ARHGAP17: variants seen among roughly 807,000 people sequenced by gnomAD.
ARHGAP17 encodes Rho GTPase activating protein 17, also known as rho GTPase-activating protein 17.
In ARHGAP17, 57 loss-of-function variants were observed where a neutral mutation model predicts 99.5. The ratio of observed to expected loss-of-function variants is 0.57; its 90% CI spans 0.46 to 0.71. ARHGAP17 has a LOEUF of 0.71. Among genes scored for constraint, ARHGAP17 ranks in the 30% least tolerant of loss-of-function variants. The pLI is 0.00. For synonymous variants in ARHGAP17, 417 were observed against 429.6 expected, an observed-to-expected ratio of 0.97 and a Z score of 0.36; for missense variants, 1,000 against 1,122.4, an observed-to-expected ratio of 0.89 and a Z score of 1.56.
chr16:24,954,686 GTTC>G lies in ARHGAP17; in HGVS notation c.766_768del (p.Glu256del), dbSNP rs1383356667. ...ATCTCGCGCCCGCTCCTCTTCAGGT[GTTC>G]TTCTAGGGGAGTCCCAAAGGCTGGT... On this transcript the variant is annotated inframe_deletion, in exon 10 of 20. Transcript: ENST00000289968. 2 of 1,613,926 alleles carry G rather than the reference GTTC, an allele frequency of 1.2e-6. No individual in the cohort carries two copies.
At chr16:25,003,150 T>A (rs556104466) in intron 1 of ARHGAP17, among the ~76,000 whole-genome samples, 2 of 148,868 alleles carry the variant, frequency 1.3e-5, no homozygotes, top group African/African-American at 4.9e-5. Flanking sequence ...ATTCAATGTA[T>A]AACAAAATTG....
In ARHGAP17 at chr16:24,931,397, T is replaced by C. The variant is rs749806942; in HGVS notation, c.1902A>G (p.Lys634=). ...PSPHTLRRAV[K]KPAPAPPKPG... The stretch of plus-strand genomic sequence containing the variant: ...GTTTCGGGGGTGCTGGAGCGGGTTT[T>C]TTAACAGCTGCACAAAAAGAGAAAA... The change falls in exon 19 of 20, where the codon AAA becomes AAG. Residue 634 remains lysine (K), a synonymous_variant. Transcript: ENST00000289968. 1.3e-6 allele frequency: 2 copies of C among 1,505,594 alleles called. No homozygotes were observed. The highest frequency in any genetic ancestry group is 2.3e-5 in the East Asian group (1 of 42,992). 93.3% of individuals were successfully genotyped at this position (1,505,594 alleles called of 1,614,324 possible). A position where few individuals can be genotyped will look rare whatever the true frequency, so the allele number is the denominator to read the frequency against.
At chr16:24,947,744 A>G in intron 13 of ARHGAP17, 149 bp from the exon 14 acceptor site, 2 of 629,898 alleles carry the variant, frequency 3.2e-6, no homozygotes, top group South Asian at 1.9e-5. Flanking sequence ...AGCATTTTAT[A>G]CATTTCTTGT....
intron 12 of ARHGAP17, among the ~76,000 whole-genome samples, chr16:24,951,418 A>G (rs2051641280): frequency 6.6e-6 from 1 of 152,234 alleles, no homozygotes; most frequent in Admixed American, 6.5e-5. Context: ...AGCACAAGAA[A>G]ATGCTCAGTA....
rs78580030 is a variant in ARHGAP17, at chr16:24,997,932, G to A, written c.53+17277C>T. Among the ~76,000 whole-genome samples, 5 of 152,134 alleles carry A rather than the reference G, an allele frequency of 3.3e-5. No individual in the cohort carries two copies. In the South Asian group the frequency reaches 6.2e-4, roughly 19 times the overall value. ...CAGAAAAGACATCTGGTCCAGAAAC[G>A]AAGAGCCTGCTGTGAGGACCAGCAG... On this transcript the variant is annotated intron_variant, in intron 1 of 19. Coordinates refer to ENST00000289968, the MANE Select transcript of ARHGAP17 (RefSeq NM_001006634.3).
intron 6 of ARHGAP17, 77 bp downstream of exon 6, chr16:24,968,274 T>C (rs1028958770): frequency 1.9e-5 from 29 of 1,527,132 alleles, no homozygotes; most frequent in Non-Finnish European, 2.5e-5. Flanking sequence ...AGCACTTCCA[T>C]TGTGTCCACT....
intron 1 of ARHGAP17, among the ~76,000 whole-genome samples, chr16:24,990,682 C>A (rs1373000408): frequency 6.6e-6 from 1 of 151,846 alleles, no homozygotes; most frequent in Non-Finnish European, 1.5e-5. Context: ...TACACACACA[C>A]CCCTCATAAG....
At position 24,919,881 on chromosome 16, in the gene ARHGAP17, TG is replaced by T; in HGVS notation, c.*248del. The stretch of plus-strand genomic sequence containing the variant: ...CTCCACTCCAGGTACTTCTTTGTTT[TG>T]GATTTTTTTGGCATGATTTCCTTCC... On this transcript the variant is annotated 3_prime_UTR_variant, in exon 20 of 20. Coordinates refer to ENST00000289968, the MANE Select transcript of ARHGAP17 (RefSeq NM_001006634.3). 1 of 396,592 alleles carries T rather than the reference TG, an allele frequency of 2.5e-6. No individual in the cohort carries two copies. The highest frequency in any genetic ancestry group is 4.4e-6 in the Non-Finnish European group (1 of 226,654). The allele number at this position is 396,592 out of a possible 1,614,324, so 24.6% of individuals were successfully genotyped here.
chr16:24,994,147 G>A lies in ARHGAP17; in HGVS notation c.54-15142C>T, dbSNP rs372221028. 7.9e-5 allele frequency among the ~76,000 whole-genome samples: 12 copies of A among 152,292 alleles called. No homozygotes were observed. In the South Asian group the frequency reaches 2.1e-3, roughly 26 times the overall value. On this transcript the variant is annotated intron_variant, in intron 1 of 19. Transcript: ENST00000289968. ...AAATAGTCACCTGGAAAGTCAGGGC[G>A]AGGCAGTTTTTGAGGGATGATGGTA... is the stretch of plus-strand genomic sequence containing the variant.
chr16:24,920,338 A>C, intron 19 of ARHGAP17, 78 bp from the exon 20 acceptor site: 2 of 1,567,590 alleles, frequency 1.3e-6, no homozygotes, highest in Non-Finnish European at 1.7e-6. Context: ...TCTGAGAAGA[A>C]GAGAGGCTGG....
At chr16:24,949,374 CCA>C in intron 13 of ARHGAP17, 28 bp downstream of exon 13, 1 of 1,581,746 alleles carries the variant, frequency 6.3e-7, no homozygotes, top group Non-Finnish European at 8.7e-7. Context: ...TATCTTCACT[CCA>C]GAGTCATTGT....
chr16:24,939,620 C>G, intron 16 of ARHGAP17, 23 bp from the exon 17 acceptor site: 1 of 1,582,720 alleles, frequency 6.3e-7, no homozygotes, highest in Non-Finnish European at 8.6e-7. Context: ...AAGAAACAGT[C>G]AACACACCAT....
chr16:24,996,529 G>A (rs1167232677), intron 1 of ARHGAP17, among the ~76,000 whole-genome samples: 4 of 152,026 alleles, frequency 2.6e-5, no homozygotes, highest in South Asian at 2.1e-4. Flanking sequence ...CCCACAACTC[G>A]GAAAGCAGAA....
intron 18 of ARHGAP17, among the ~76,000 whole-genome samples, chr16:24,935,228 C>T (rs1221615294): frequency 2.0e-5 from 3 of 152,176 alleles, no homozygotes; most frequent in Non-Finnish European, 2.9e-5. Flanking sequence ...AGCATTTCTG[C>T]AGAACTGACT....
chr16:24,999,774 T>G (rs760896299), intron 1 of ARHGAP17, among the ~76,000 whole-genome samples: 1 of 152,240 alleles, frequency 6.6e-6, no homozygotes, highest in Non-Finnish European at 1.5e-5. Flanking sequence ...CATGCAGTAC[T>G]TTCCACAATA....
chr16:24,955,679 T>C lies in ARHGAP17; in HGVS notation c.725-949A>G, dbSNP rs981682469. The C allele has an allele frequency of 8.5e-5, 13 of 152,206 alleles. No homozygotes were observed. The highest frequency in any genetic ancestry group is 2.9e-4 in the African/African-American group (12 of 41,438). The allele number at this position is 152,206 out of a possible 1,614,324, so 9.4% of individuals were successfully genotyped here. ...TCCTTCTCTGCACCTTTACTGGCCA[T>C]TGGTCCCTTAGCAGCTCTGCTGTTA... On this transcript the variant is annotated intron_variant, in intron 9 of 19. Coordinates refer to ENST00000289968, the MANE Select transcript of ARHGAP17 (RefSeq NM_001006634.3). This position sits in a 1 kb window ranked among gnomAD's most constrained non-coding sequence, Gnocchi z 4.0.
intron 8 of ARHGAP17, 31 bp downstream of exon 8, chr16:24,959,880 C>T (rs776719692): frequency 6.2e-7 from 1 of 1,609,878 alleles, no homozygotes; most frequent in South Asian, 1.1e-5. Context: ...TTTAACAATG[C>T]TTTAACATTT....
intron 1 of ARHGAP17, among the ~76,000 whole-genome samples, chr16:24,996,185 T>G (rs2053187462): frequency 6.6e-6 from 1 of 152,142 alleles, no homozygotes; most frequent in Non-Finnish European, 1.5e-5. Flanking sequence ...ACGTCTTAAA[T>G]CCCTCTCTGC....
chr16:25,008,767 C>A lies in ARHGAP17; in HGVS notation c.53+6442G>T, dbSNP rs908308378. 6.6e-5 allele frequency among the ~76,000 whole-genome samples: 10 copies of A among 152,180 alleles called. No individual in the cohort carries two copies. The East Asian group carries it at 1.9e-3, about 29-fold the overall frequency. On this transcript the variant is annotated intron_variant, in intron 1 of 19. Coordinates refer to ENST00000289968, the MANE Select transcript of ARHGAP17 (RefSeq NM_001006634.3). ...ACATATAAAAATGATGCTAAATGAA[C>A]ATATCCTTTTATGGTTCAAATTTAC...
Sources: allele counts gnomAD v4.1 joint callset (sites outside exome capture counted in the v4.1 genomes callset), GRCh38; gene constraint gnomAD v4.1.1; non-coding constraint Gnocchi (gnomAD v3.1); transcripts MANE v1.5; gene names NCBI Gene and HGNC (gene_info 2026-07-23, HGNC 2026-07-21).